Variants in KMT5B observed in about 807,000 individuals in gnomAD.
KMT5B encodes the protein histone-lysine N-methyltransferase KMT5B.
In KMT5B, 10 loss-of-function variants were observed where a neutral mutation model predicts 83.2. The ratio of observed to expected loss-of-function variants is 0.12; its 90% CI spans 0.07 to 0.20. The LOEUF is 0.20. KMT5B is among the 10% of genes least tolerant of loss of function. The pLI is 1.00. For synonymous variants in KMT5B, 349 were observed against 388.8 expected, an observed-to-expected ratio of 0.90 and a Z score of 1.20; for missense variants, 753 against 1,067.2, an observed-to-expected ratio of 0.71 and a Z score of 4.10.
intron 1 of KMT5B, among the ~76,000 whole-genome samples, chr11:68,193,247 C>T (rs141626077): frequency 6.6e-6 from 1 of 152,324 alleles, no homozygotes; most frequent in African/African-American, 2.4e-5. Flanking sequence ...ACGAGTAGAA[C>T]CCAGCACTGC....
At chr11:68,201,970 T>A (rs1859497343) in intron 1 of KMT5B, among the ~76,000 whole-genome samples, 1 of 150,120 alleles carries the variant, frequency 6.7e-6, no homozygotes, top group Admixed American at 6.6e-5. Flanking sequence ...GTGCTTGTAG[T>A]CCCAGGTACT....
Position 68,157,675 on chromosome 11 carries a change from T to C in KMT5B, c.*13A>G, listed in dbSNP as rs1590912312. The C allele has an allele frequency of 6.5e-7, 1 of 1,528,026 alleles. No homozygotes were observed. The highest frequency in any genetic ancestry group is 1.3e-5 in the South Asian group (1 of 76,592). The allele number at this position is 1,528,026 out of a possible 1,614,324, so 94.7% of individuals were successfully genotyped here. A position where few individuals can be genotyped will look rare whatever the true frequency, so the allele number is the denominator to read the frequency against. On this transcript the variant is annotated 3_prime_UTR_variant, in exon 11 of 11. Transcript: ENST00000304363. ...TTAAAGTAGTTATCCCAGGTCAAGT[T>C]AAGACCAAGAGCTTAGGCATTAAGC... is the stretch of plus-strand genomic sequence containing the variant.
intron 10 of KMT5B, among the ~76,000 whole-genome samples, chr11:68,163,352 T>C (rs1855021212): frequency 6.6e-6 from 1 of 152,226 alleles, no homozygotes. Context: ...AGCTGGTGAA[T>C]GGCAGAGATG....
intron 1 of KMT5B, among the ~76,000 whole-genome samples, chr11:68,202,798 C>T (rs553985651): frequency 1.1e-4 from 17 of 152,142 alleles, no homozygotes; most frequent in South Asian, 8.3e-4. Context: ...TTGCCCACCT[C>T]GGCCTCCCAA....
At chr11:68,172,063 G>C (rs1368852954) in intron 6 of KMT5B, among the ~76,000 whole-genome samples, 1 of 152,282 alleles carries the variant, frequency 6.6e-6, no homozygotes, top group East Asian at 1.9e-4. Flanking sequence ...GGATGAAGCA[G>C]GCAGGGACCA....
At position 68,159,141 on chromosome 11, in the gene KMT5B, T is replaced by C; in HGVS notation, c.1205A>G (p.Lys402Arg). ...TSNRKSSVGVKKNSKSRTLTR... is the reference protein window; with the variant it reads ...TSNRKSSVGVRKNSKSRTLTR... The stretch of plus-strand genomic sequence containing the variant: ...TAACGTTCTGCTCTTGCTATTCTTT[T>C]TTACGCCAACTGAAGATTTTCGGTT... The change falls in exon 11 of 11, where the codon AAA becomes AGA. Residue 402 changes from lysine to arginine, a missense_variant. Coordinates refer to ENST00000304363, the MANE Select transcript of KMT5B (RefSeq NM_017635.5). 2 of 1,576,414 alleles carry C rather than the reference T, an allele frequency of 1.3e-6. No homozygotes were observed. The highest frequency in any genetic ancestry group is 1.4e-5 in the African/African-American group (1 of 72,638).
At chr11:68,204,218 A>C (rs1451457654) in intron 1 of KMT5B, among the ~76,000 whole-genome samples, 1 of 152,252 alleles carries the variant, frequency 6.6e-6, no homozygotes, top group Non-Finnish European at 1.5e-5. Flanking sequence ...TAACAGCTCT[A>C]AAGCAGACTG....
intron 4 of KMT5B, among the ~76,000 whole-genome samples, chr11:68,179,055 T>C (rs1029477954): frequency 6.6e-6 from 1 of 152,192 alleles, no homozygotes; most frequent in Non-Finnish European, 1.5e-5. Context: ...GTTCCTGTTA[T>C]ATCACCTGGC....
At chr11:68,160,581 C>T (rs1854769238) in intron 10 of KMT5B, among the ~76,000 whole-genome samples, 1 of 152,220 alleles carries the variant, frequency 6.6e-6, no homozygotes, top group Admixed American at 6.5e-5. Flanking sequence ...TCGCTTTCTA[C>T]ATGCCTCAGG....
chr11:68,160,439 T>G (rs1477309904), intron 10 of KMT5B, among the ~76,000 whole-genome samples: 1 of 152,194 alleles, frequency 6.6e-6, no homozygotes, highest in Non-Finnish European at 1.5e-5. Context: ...ACAGATTCAC[T>G]AGAGAAGCCA....
chr11:68,184,690 T>A (rs1005326266), intron 3 of KMT5B, among the ~76,000 whole-genome samples: 1 of 152,218 alleles, frequency 6.6e-6, no homozygotes, highest in Non-Finnish European at 1.5e-5. Flanking sequence ...GAACTAGCTC[T>A]ATCTTCTAAA....
At chr11:68,177,787 A>T (rs1363902208) in intron 4 of KMT5B, among the ~76,000 whole-genome samples, 1 of 152,258 alleles carries the variant, frequency 6.6e-6, no homozygotes, top group Non-Finnish European at 1.5e-5. Context: ...GTCTGTCGAC[A>T]TATGGTGTCA....
At chr11:68,210,388 T>C (rs1285135857) in intron 1 of KMT5B, among the ~76,000 whole-genome samples, 2 of 152,154 alleles carry the variant, frequency 1.3e-5, no homozygotes, top group Non-Finnish European at 2.9e-5. Flanking sequence ...TGTCAAAATA[T>C]GATTAAAATA....
intron 3 of KMT5B, among the ~76,000 whole-genome samples, chr11:68,180,777 A>G (rs1397835044): frequency 6.6e-6 from 1 of 152,134 alleles, no homozygotes; most frequent in Non-Finnish European, 1.5e-5. Flanking sequence ...GAAAGCATCG[A>G]TCCCTTTCTT....
In KMT5B at chr11:68,155,456, C is replaced by T. The variant is rs1280031263; in HGVS notation, c.*2232G>A. ...AAATTAAAACATCAAAAATAAGTTACTAAAATTCAGCTGAAAAATGAAAAT... is the reference window on the plus strand; with the variant it reads ...AAATTAAAACATCAAAAATAAGTTATTAAAATTCAGCTGAAAAATGAAAAT... On this transcript the variant is annotated 3_prime_UTR_variant, in exon 11 of 11. Transcript: ENST00000304363. The T allele has an allele frequency of 6.6e-6, 1 of 152,160 alleles. No homozygotes were observed. Among genetic ancestry groups the T allele is most frequent in the Non-Finnish European group, 1.5e-5 (1 of 68,036 alleles). 9.4% of individuals were successfully genotyped at this position (152,160 alleles called of 1,614,324 possible). A position where few individuals can be genotyped will look rare whatever the true frequency, so the allele number is the denominator to read the frequency against.
chr11:68,193,760 T>C (rs992405697), intron 1 of KMT5B, among the ~76,000 whole-genome samples: 1 of 152,056 alleles, frequency 6.6e-6, no homozygotes, highest in Non-Finnish European at 1.5e-5. Context: ...TCATATATCT[T>C]ACACTTAGGA....
At chr11:68,197,432 G>C (rs1051175150) in intron 1 of KMT5B, among the ~76,000 whole-genome samples, 5 of 151,898 alleles carry the variant, frequency 3.3e-5, no homozygotes, top group African/African-American at 1.2e-4. Context: ...TATCATGTTA[G>C]GGCAAAGAAT....
At chr11:68,204,551 G>C (rs1030959517) in intron 1 of KMT5B, among the ~76,000 whole-genome samples, 7 of 151,768 alleles carry the variant, frequency 4.6e-5, no homozygotes, top group African/African-American at 1.5e-4. Flanking sequence ...CCTTGACTTT[G>C]GCCCAGTGAA....
chr11:68,201,340 C>G (rs1036911283), intron 1 of KMT5B, among the ~76,000 whole-genome samples: 3 of 152,160 alleles, frequency 2.0e-5, no homozygotes, highest in Non-Finnish European at 4.4e-5. Context: ...TAACACATTT[C>G]AAAAGAAAGC....
Sources: gnomAD v4.1 joint callset for allele counts (sites outside exome capture counted in the v4.1 genomes callset) on GRCh38, gnomAD v4.1.1 for gene constraint, MANE v1.5 for transcripts, NCBI Gene and HGNC (gene_info 2026-07-23, HGNC 2026-07-21) for gene names.